The following TRIM55 variants were observed in gnomAD, a reference collection of about 807,000 sequenced individuals.
TRIM55 encodes the protein tripartite motif containing 55.
A neutral mutation model predicts 60.9 loss-of-function variants in TRIM55; 50 were observed. The observed-to-expected ratio is 0.82, with a 90% CI of 0.65 to 1.04. The LOEUF (loss-of-function observed/expected upper bound fraction) is 1.04, where lower values mean the gene tolerates loss of function less well. Among genes scored for constraint, TRIM55 ranks in the 50% least tolerant of loss-of-function variants. The probability of loss-of-function intolerance (pLI) is 0.00; values close to 1 mark genes in which losing one functional copy is unlikely to be tolerated. For missense variants in TRIM55, 681 were observed against 666.9 expected (o/e 1.02, Z -0.23); for synonymous variants, 237 against 238.1 (o/e 1.00, Z 0.04).
intron 4 of TRIM55, among the ~76,000 whole-genome samples, chr8:66,138,848 T>C: frequency 6.6e-6 from 1 of 152,240 alleles, no homozygotes; most frequent in East Asian, 1.9e-4. Flanking sequence ...GCCTGGCATG[T>C]GGTGAGTGTT....
chr8:66,120,992 T>C, the TRIM55 span, among the ~76,000 whole-genome samples: 5 of 152,148 alleles, frequency 3.3e-5, no homozygotes, highest in African/African-American at 1.2e-4. Context: ...TCCAGGTAGG[T>C]CATGTCAGAA....
In TRIM55 at chr8:66,150,345, C is replaced by T. The variant is rs760171587; in HGVS notation, c.864C>T (p.Ile288=). ...LQNAKTLLKK[I]SEASKAFQME... Reference sequence around the variant, plus strand: ...TGGCAACTTGTCTTTGTTGCAGAATCTCGGAAGCATCAAAGGCATTTCAGA... The same window carrying T: ...TGGCAACTTGTCTTTGTTGCAGAATTTCGGAAGCATCAAAGGCATTTCAGA... The change falls in exon 7 of 10, where the codon ATC becomes ATT. Residue 288 remains isoleucine, a synonymous_variant. Coordinates refer to ENST00000315962, the MANE Select transcript of TRIM55 (RefSeq NM_184085.2). 1.2e-6 allele frequency: 2 copies of T among 1,614,040 alleles called. No individual in the cohort carries two copies. Among genetic ancestry groups the T allele is most frequent in the Admixed American group, 3.3e-5 (2 of 59,996 alleles).
intron 9 of TRIM55, among the ~76,000 whole-genome samples, chr8:66,166,511 A>G (rs1811337835): frequency 6.6e-6 from 1 of 151,906 alleles, no homozygotes; most frequent in Admixed American, 6.6e-5. Context: ...CTTCCACTAC[A>G]CTCCACGAAG....
upstream of TRIM55, among the ~76,000 whole-genome samples, chr8:66,125,137 TA>T (rs1808771573): frequency 6.6e-6 from 1 of 152,270 alleles, no homozygotes; most frequent in Non-Finnish European, 1.5e-5. Flanking sequence ...CTTTTCCCTT[TA>T]AATATTAAAG....
the TRIM55 span, among the ~76,000 whole-genome samples, chr8:66,115,510 T>C: frequency 6.6e-6 from 1 of 152,052 alleles, no homozygotes; most frequent in Non-Finnish European, 1.5e-5. Flanking sequence ...GAGCAAGAAG[T>C]AAGTAGTAAG....
At chr8:66,160,689 T>A (rs573022446) in intron 9 of TRIM55, among the ~76,000 whole-genome samples, 4 of 152,178 alleles carry the variant, frequency 2.6e-5, no homozygotes, top group East Asian at 3.9e-4. Context: ...CATTTTTTTT[T>A]AATATTTTGA....
chr8:66,155,018 A>G (rs746529547), intron 9 of TRIM55, among the ~76,000 whole-genome samples: 175 of 152,290 alleles, frequency 1.1e-3, no homozygotes, highest in Middle Eastern at 3.4e-3. Context: ...CATGTCTTGA[A>G]GAGTCCACAG....
chr8:66,171,894 T>C (rs1439214635), intron 9 of TRIM55, among the ~76,000 whole-genome samples: 1 of 152,196 alleles, frequency 6.6e-6, no homozygotes, highest in Non-Finnish European at 1.5e-5. Context: ...TACAGCACAC[T>C]GAAGGGATTA....
At chr8:66,116,185 G>A in the TRIM55 span, among the ~76,000 whole-genome samples, 2 of 152,078 alleles carry the variant, frequency 1.3e-5, no homozygotes, top group Admixed American at 6.6e-5. Context: ...GCCATGTAAC[G>A]AAATATATAT....
intron 9 of TRIM55, among the ~76,000 whole-genome samples, chr8:66,166,983 T>A (rs1406153634): frequency 6.6e-6 from 1 of 152,176 alleles, no homozygotes; most frequent in Non-Finnish European, 1.5e-5. Flanking sequence ...CCTCCACTCC[T>A]GGCAGGGATG....
rs57965472 is a variant in TRIM55, at chr8:66,149,745, G to T, written c.704G>T (p.Arg235Leu). 4 of 1,614,120 alleles carry T rather than the reference G, an allele frequency of 2.5e-6. No homozygotes were observed. Among genetic ancestry groups the T allele is most frequent in the Non-Finnish European group, 3.4e-6 (4 of 1,179,984 alleles). Residue 235 changes from arginine (R) to leucine (L), a missense_variant, in exon 5 of 10, where the codon CGA (arginine) becomes CTA (leucine). Physicochemically the swap from Arg to Leu is moderately radical, Grantham distance 102. Coordinates refer to ENST00000315962, the MANE Select transcript of TRIM55 (RefSeq NM_184085.2). The part of the protein sequence containing the change: ...RKNEMTQVIT[R>L]TQEEKLEHVR... ...AATGAAATGACCCAAGTCATTACCC[G>T]AACCCAAGAGGAGAAACTGGAACAT...
intron 9 of TRIM55, among the ~76,000 whole-genome samples, chr8:66,167,216 T>A (rs765965070): frequency 3.3e-5 from 5 of 152,214 alleles, no homozygotes; most frequent in Non-Finnish European, 7.3e-5. Context: ...TCAAACTTCC[T>A]GAGTCTGAAC....
At chr8:66,150,864 C>A (rs1225998561) in intron 7 of TRIM55, among the ~76,000 whole-genome samples, 1 of 152,174 alleles carries the variant, frequency 6.6e-6, no homozygotes, top group African/African-American at 2.4e-5. Context: ...TAGGGTTTCG[C>A]CATGTTGGCC....
Position 66,152,525 on chromosome 8 carries a change from G to A in TRIM55, c.1134G>A (p.Glu378=). The A allele has an allele frequency of 6.2e-7, 1 of 1,614,174 alleles. No homozygotes were observed. The highest frequency in any genetic ancestry group is 8.5e-7 in the Non-Finnish European group (1 of 1,180,036). ...GEDENPEKAS[E]LSQVELQAAP... ...ATGAAAACCCAGAAAAAGCTTCAGA[G>A]CTCTCTCAGGTGGAGCTGCAGGCTG... The change falls in exon 8 of 10, where the codon GAG becomes GAA. Residue 378 remains glutamate, a synonymous_variant. Coordinates refer to ENST00000315962, the MANE Select transcript of TRIM55 (RefSeq NM_184085.2).
At chr8:66,166,517 CGAAGT>C (rs2128985690) in intron 9 of TRIM55, among the ~76,000 whole-genome samples, 1 of 152,310 alleles carries the variant, frequency 6.6e-6, no homozygotes, top group Non-Finnish European at 1.5e-5. Context: ...CTACACTCCA[CGAAGT>C]GAAGAGTTAG....
chr8:66,165,771 C>T (rs1811294726), intron 9 of TRIM55, among the ~76,000 whole-genome samples: 1 of 151,982 alleles, frequency 6.6e-6, no homozygotes, highest in Non-Finnish European at 1.5e-5. Context: ...TTGTCCGGGG[C>T]CTAATAATCC....
Position 66,128,322 on chromosome 8 carries a change from C to T in TRIM55, c.187C>T (p.Pro63Ser). ...AGAACAGGCCTCTAACCCGTATTTG[C>T]CCACAAGAGGAGGTACCACCATGGC... is the stretch of plus-strand genomic sequence containing the variant. ...DIFQASNPYL[P>S]TRGGTTMASG... Residue 63 changes from proline (P) to serine (S), a missense_variant, in exon 2 of 10, where the codon CCC becomes TCC. Physicochemically the swap from Pro to Ser is moderately conservative, Grantham distance 74. Coordinates refer to ENST00000315962, the MANE Select transcript of TRIM55 (RefSeq NM_184085.2). The T allele has an allele frequency of 6.2e-7, 1 of 1,607,728 alleles. No homozygotes were observed. Among genetic ancestry groups the T allele is most frequent in the Non-Finnish European group, 8.5e-7 (1 of 1,177,320 alleles).
chr8:66,117,724 G>T, the TRIM55 span, among the ~76,000 whole-genome samples: 1 of 152,072 alleles, frequency 6.6e-6, no homozygotes, highest in Non-Finnish European at 1.5e-5. Flanking sequence ...GAGAAGTGGG[G>T]GTGGGTATGG....
In TRIM55 at chr8:66,152,596, T is replaced by C. The variant is rs771711351; in HGVS notation, c.1205T>C (p.Leu402Pro). The C allele has an allele frequency of 6.2e-7, 1 of 1,614,076 alleles. No individual in the cohort carries two copies. Among genetic ancestry groups the C allele is most frequent in the Admixed American group, 1.7e-5 (1 of 60,012 alleles). The change falls in exon 8 of 10, where the codon CTG (leucine) becomes CCG (proline). Residue 402 changes from leucine to proline, a missense_variant. By Grantham distance (98) the Leu-to-Pro change is moderately conservative (BLOSUM62 -3). Coordinates refer to ENST00000315962, the MANE Select transcript of TRIM55 (RefSeq NM_184085.2). ...PVSSPEPPPA[L>P]PPAADAPVTQ... ...TCCTCTCCAGAGCCACCTCCAGCCC[T>C]GCCACCTGCTGCGGATGCCCCTGTG... is the stretch of plus-strand genomic sequence containing the variant.
Sources: gnomAD v4.1 joint callset for allele counts (sites outside exome capture counted in the v4.1 genomes callset) on GRCh38, gnomAD v4.1.1 for gene constraint, MANE v1.5 for transcripts, NCBI Gene and HGNC (gene_info 2026-07-23, HGNC 2026-07-21) for gene names.